MOB1B: variants seen among roughly 807,000 people sequenced by gnomAD.
MOB1B encodes MOB kinase activator 1B.
A neutral mutation model predicts 24.4 loss-of-function variants in MOB1B; 19 were observed. The observed-to-expected ratio is 0.78, with a 90% CI of 0.54 to 1.14. MOB1B has a LOEUF of 1.14. Ranked by LOEUF, MOB1B falls within the 50% of genes most tolerant of loss-of-function variation. The pLI, the probability that MOB1B is intolerant of heterozygous loss-of-function variation, is 0.00. For synonymous variants in MOB1B, 76 were observed against 82.1 expected (o/e 0.93, Z 0.40); for missense variants, 243 against 259.6 (o/e 0.94, Z 0.44).
At chr4:70,929,593 A>T (rs1736796181) in intron 1 of MOB1B, among the ~76,000 whole-genome samples, 1 of 150,714 alleles carries the variant, frequency 6.6e-6, no homozygotes, top group Non-Finnish European at 1.5e-5. Flanking sequence ...TGATCCTCTT[A>T]CCTCAGCCTC....
intron 1 of MOB1B, among the ~76,000 whole-genome samples, chr4:70,947,871 A>C (rs935633173): frequency 6.6e-6 from 1 of 152,222 alleles, no homozygotes; most frequent in Non-Finnish European, 1.5e-5. Flanking sequence ...GGCCTCCCAG[A>C]ATGCTGGGAT....
At chr4:70,932,234 A>G (rs1305868613) in intron 1 of MOB1B, among the ~76,000 whole-genome samples, 1 of 152,136 alleles carries the variant, frequency 6.6e-6, no homozygotes, top group African/African-American at 2.4e-5. Context: ...TTTTCAGATT[A>G]TAAGAGAAAT....
At chr4:70,966,499 C>T (rs750289911) in intron 2 of MOB1B, among the ~76,000 whole-genome samples, 13 of 151,892 alleles carry the variant, frequency 8.6e-5, no homozygotes, top group Non-Finnish European at 1.8e-4. Context: ...CTCAGCCTCC[C>T]GAGTAGCTGG....
At chr4:70,917,248 CT>C (rs1300903263) in intron 1 of MOB1B, among the ~76,000 whole-genome samples, 1 of 152,058 alleles carries the variant, frequency 6.6e-6, no homozygotes, top group Non-Finnish European at 1.5e-5. Context: ...TACATTGGGT[CT>C]TCATCTTTTA....
intron 1 of MOB1B, among the ~76,000 whole-genome samples, chr4:70,949,647 G>A (rs1477748632): frequency 6.6e-6 from 1 of 152,114 alleles, no homozygotes; most frequent in East Asian, 1.9e-4. Context: ...CAGCACTTTG[G>A]GTGGTGGGGA....
intron 5 of MOB1B, among the ~76,000 whole-genome samples, chr4:70,980,663 A>G (rs1739176089): frequency 6.6e-6 from 1 of 152,184 alleles, no homozygotes; most frequent in Non-Finnish European, 1.5e-5. Context: ...GGCTAAGAAT[A>G]TGCCTACCTA....
chr4:70,975,971 C>T, intron 4 of MOB1B: 1 of 336,872 alleles, frequency 3.0e-6, no homozygotes, highest in Non-Finnish European at 4.2e-6. Context: ...GTGATCTTGG[C>T]TCACTGCAGC....
intron 4 of MOB1B, among the ~76,000 whole-genome samples, chr4:70,977,890 A>G (rs993723443): frequency 1.3e-5 from 2 of 152,120 alleles, no homozygotes; most frequent in Admixed American, 6.5e-5. Context: ...AGGAGCCACT[A>G]TGTTGCCCAG....
intron 3 of MOB1B, among the ~76,000 whole-genome samples, chr4:70,973,448 C>T (rs1650790060): frequency 7.8e-6 from 1 of 127,872 alleles, no homozygotes. Flanking sequence ...TCAGCCAAAG[C>T]TACAGAGCAA....
In MOB1B at chr4:70,911,256, G is replaced by GT. The variant is rs1036653429; in HGVS notation, c.14+8712dup. Among the ~76,000 whole-genome samples the GT allele has an allele frequency of 7.9e-5, 12 of 151,762 alleles. No homozygotes were observed. The South Asian group carries it at 1.9e-3, about 24-fold the overall frequency. ...GCTGATGACCAAGTATTATCTTACA[G>GT]TTTTTTATCTGACAACAAAAAAGGA... On this transcript the variant is annotated intron_variant, in intron 1 of 5. Coordinates refer to ENST00000309395, the MANE Select transcript of MOB1B (RefSeq NM_173468.4).
intron 1 of MOB1B, among the ~76,000 whole-genome samples, chr4:70,947,187 C>A (rs1373081384): frequency 6.6e-6 from 1 of 152,208 alleles, no homozygotes; most frequent in Non-Finnish European, 1.5e-5. Context: ...GGGATGATAT[C>A]ACCAGTTTTG....
At chr4:70,978,793 G>A (rs1739097609) in intron 4 of MOB1B, among the ~76,000 whole-genome samples, 1 of 152,120 alleles carries the variant, frequency 6.6e-6, no homozygotes, top group Non-Finnish European at 1.5e-5. Flanking sequence ...TTTGTATTGA[G>A]ACTTAAGAAA....
At chr4:70,953,253 T>C (rs1737886935) in intron 1 of MOB1B, among the ~76,000 whole-genome samples, 1 of 152,126 alleles carries the variant, frequency 6.6e-6, no homozygotes, top group African/African-American at 2.4e-5. Flanking sequence ...AGTTGGTCTT[T>C]TGACCTGCGA....
chr4:70,941,275 T>A (rs1737325319), intron 1 of MOB1B, among the ~76,000 whole-genome samples: 1 of 152,054 alleles, frequency 6.6e-6, no homozygotes, highest in African/African-American at 2.4e-5. Flanking sequence ...TTCTCAGTAC[T>A]ATACTCTAAT....
intron 1 of MOB1B, among the ~76,000 whole-genome samples, chr4:70,928,369 C>T (rs961455307): frequency 1.4e-5 from 2 of 146,374 alleles, no homozygotes; most frequent in East Asian, 2.1e-4. Context: ...GATCTCGGCC[C>T]ACTGCACCCT....
At chr4:70,951,689 G>C (rs114783901) in intron 1 of MOB1B, among the ~76,000 whole-genome samples, 22 of 152,314 alleles carry the variant, frequency 1.4e-4, no homozygotes, top group Non-Finnish European at 1.8e-4. Flanking sequence ...CTTGAGCCTA[G>C]CAGTTCGAGA....
intron 2 of MOB1B, among the ~76,000 whole-genome samples, chr4:70,963,191 C>A (rs961364257): frequency 6.6e-6 from 1 of 151,986 alleles, no homozygotes; most frequent in African/African-American, 2.4e-5. Flanking sequence ...CATAGCAAGA[C>A]CCTGTCTCTA....
rs531855492 is a variant in MOB1B at position 70,949,376 on chromosome 4, C to T, written c.15-9498C>T. On this transcript the variant is annotated intron_variant, in intron 1 of 5. Coordinates refer to ENST00000309395, the MANE Select transcript of MOB1B (RefSeq NM_173468.4). Reference sequence around the variant, plus strand: ...TTGAAACAAGGTTATCTTTTCAATACTCATAGCTTTTAGCCTTTAGCTTTT... The same window carrying T: ...TTGAAACAAGGTTATCTTTTCAATATTCATAGCTTTTAGCCTTTAGCTTTT... Among the ~76,000 whole-genome samples the T allele has an allele frequency of 4.6e-4, 70 of 152,284 alleles. 1 individual carries two copies. Among genetic ancestry groups the T allele is most frequent in the Admixed American group, 2.7e-3 (41 of 15,290 alleles).
intron 3 of MOB1B, among the ~76,000 whole-genome samples, chr4:70,973,212 G>C (rs1738838630): frequency 6.6e-6 from 1 of 152,108 alleles, no homozygotes; most frequent in Non-Finnish European, 1.5e-5. Flanking sequence ...TGACACATCT[G>C]AAAATGATTG....
Sources: allele counts gnomAD v4.1 joint callset (sites outside exome capture counted in the v4.1 genomes callset), GRCh38; gene constraint gnomAD v4.1.1; transcripts MANE v1.5; gene names NCBI Gene and HGNC (gene_info 2026-07-23, HGNC 2026-07-21).